Variants in IQCM observed in about 807,000 individuals in gnomAD.
IQCM encodes the protein IQ motif containing M.
IQCM carries 45 observed loss-of-function variants against 57.6 expected under a neutral mutation model. The ratio of observed to expected loss-of-function variants is 0.78; its 90% CI spans 0.62 to 1.00. IQCM has a LOEUF of 1.00. IQCM is among the 50% of genes least tolerant of loss of function. The pLI is 0.00. For synonymous variants in IQCM, 148 were observed against 158.9 expected (o/e 0.93, Z 0.51); for missense variants, 468 against 511.6 (o/e 0.91, Z 0.82).
At chr4:149,812,325 T>C (rs765712971) in intron 2 of IQCM, among the ~76,000 whole-genome samples, 23 of 152,274 alleles carry the variant, frequency 1.5e-4, no homozygotes, top group South Asian at 2.1e-4. Flanking sequence ...TAACTTTTAA[T>C]TGGAGGATGG....
chr4:149,628,969 G>A (rs1757032302), intron 7 of IQCM, among the ~76,000 whole-genome samples: 1 of 152,002 alleles, frequency 6.6e-6, no homozygotes, highest in Non-Finnish European at 1.5e-5. Flanking sequence ...TAAAGGCTAG[G>A]AAAAAACACC....
intron 13 of IQCM, among the ~76,000 whole-genome samples, chr4:149,370,540 C>CTG (rs915047825): frequency 1.3e-5 from 2 of 151,094 alleles, no homozygotes; most frequent in Middle Eastern, 3.2e-3. Context: ...CACATACACA[C>CTG]TATACACACA....
chr4:149,804,934 C>T (rs1285079419), intron 2 of IQCM, among the ~76,000 whole-genome samples: 2 of 151,936 alleles, frequency 1.3e-5, no homozygotes, highest in Non-Finnish European at 2.9e-5. Flanking sequence ...ATGAAGTGCA[C>T]GAAGTAGGAT....
intron 13 of IQCM, among the ~76,000 whole-genome samples, chr4:149,418,818 C>T (rs1733930943): frequency 6.6e-6 from 1 of 152,084 alleles, no homozygotes; most frequent in African/African-American, 2.4e-5. Context: ...GATGAATGTG[C>T]AAAAGTCACA....
chr4:149,737,522 A>G (rs976103461), intron 3 of IQCM: 5 of 152,112 alleles, frequency 3.3e-5, no homozygotes, highest in African/African-American at 4.8e-5. Context: ...TTCATAATAA[A>G]TTATTGAAGG....
chr4:149,613,249 A>AG (rs1245851271), intron 8 of IQCM, among the ~76,000 whole-genome samples: 1 of 152,052 alleles, frequency 6.6e-6, no homozygotes, highest in African/African-American at 2.4e-5. Flanking sequence ...ATGATGAGGG[A>AG]GAAAAAAATG....
Position 149,464,141 on chromosome 4 carries a change from A to T in IQCM, c.1229-30584T>A, listed in dbSNP as rs527705633. Among the ~76,000 whole-genome samples the T allele has an allele frequency of 3.7e-4, 56 of 152,286 alleles. No homozygotes were observed. The South Asian group carries it at 0.012, about 32-fold the overall frequency. The stretch of plus-strand genomic sequence containing the variant: ...TAATTCTGCTACTCGGCTAACTAAA[A>T]TGAACTATTGACTCAGAATGTTCAT... On this transcript the variant is annotated intron_variant, in intron 12 of 13. Coordinates refer to ENST00000636793, the MANE Select transcript of IQCM (RefSeq NM_001363507.2).
intron 13 of IQCM, among the ~76,000 whole-genome samples, chr4:149,358,053 C>T (rs1729138791): frequency 1.3e-5 from 2 of 152,184 alleles, no homozygotes; most frequent in South Asian, 2.1e-4. Context: ...ATAGTATTCT[C>T]TGATGGTAGT....
chr4:149,662,773 C>A (rs1760339754), intron 7 of IQCM, among the ~76,000 whole-genome samples: 1 of 151,950 alleles, frequency 6.6e-6, no homozygotes, highest in Admixed American at 6.6e-5. Context: ...TCTATTCCTT[C>A]ACTTTCAGTC....
intron 12 of IQCM, among the ~76,000 whole-genome samples, chr4:149,532,115 C>T (rs915601818): frequency 6.6e-6 from 1 of 151,948 alleles, no homozygotes; most frequent in South Asian, 2.1e-4. Flanking sequence ...CAAGTGTGTC[C>T]TAAGTTCACA....
In IQCM at chr4:149,394,721, C is replaced by T. The variant is rs985140601; in HGVS notation, c.1390+38675G>A. ...TCCAATGCCACTACTTGAAAACTGG[C>T]GTGAAGGGCAAAGGATCTAGCTTCC... is the stretch of plus-strand genomic sequence containing the variant. On this transcript the variant is annotated intron_variant, in intron 13 of 13. Transcript: ENST00000636793. 1.4e-4 allele frequency among the ~76,000 whole-genome samples: 21 copies of T among 152,032 alleles called. No homozygotes were observed. The East Asian group carries it at 3.5e-3, about 25-fold the overall frequency.
rs141284173 is a variant in IQCM at position 149,499,798 on chromosome 4, T to C, written c.1228+48657A>G. 5.9e-5 allele frequency among the ~76,000 whole-genome samples: 9 copies of C among 152,252 alleles called. 1 individual carries two copies. Among genetic ancestry groups the C allele is most frequent in the South Asian group, 2.1e-4 (1 of 4,824 alleles). ...TCCCTAGTAATGAAGAAAGGAAACA[T>C]AGACTGACTAAAATAGTAGACAGAA... On this transcript the variant is annotated intron_variant, in intron 12 of 13. Coordinates refer to ENST00000636793, the MANE Select transcript of IQCM (RefSeq NM_001363507.2).
At chr4:149,525,507 T>G (rs1219138998) in intron 12 of IQCM, among the ~76,000 whole-genome samples, 1 of 151,838 alleles carries the variant, frequency 6.6e-6, no homozygotes, top group Non-Finnish European at 1.5e-5. Context: ...GAGAATTTAA[T>G]GTACAAAGAA....
At chr4:149,372,068 G>A (rs993630495) in intron 13 of IQCM, among the ~76,000 whole-genome samples, 4 of 152,052 alleles carry the variant, frequency 2.6e-5, no homozygotes, top group East Asian at 1.9e-4. Context: ...CACAACTAAC[G>A]AGGAAACTAA....
chr4:149,807,348 A>G (rs1370864239), intron 2 of IQCM, among the ~76,000 whole-genome samples: 6 of 152,188 alleles, frequency 3.9e-5, no homozygotes, highest in Non-Finnish European at 7.4e-5. Context: ...CTCTTTTTAA[A>G]TAAATTGTGC....
At chr4:149,461,442 A>C (rs1455248137) in intron 12 of IQCM, among the ~76,000 whole-genome samples, 1 of 152,014 alleles carries the variant, frequency 6.6e-6, no homozygotes, top group Non-Finnish European at 1.5e-5. Flanking sequence ...AACCTAGATT[A>C]GAAAATGTAA....
At chr4:149,486,685 G>T (rs1465484378) in intron 12 of IQCM, among the ~76,000 whole-genome samples, 1 of 152,186 alleles carries the variant, frequency 6.6e-6, no homozygotes, top group East Asian at 1.9e-4. Flanking sequence ...GGTGGAGGTT[G>T]CAGTGAGCCA....
At chr4:149,741,386 C>A (rs1767442069) in intron 3 of IQCM, among the ~76,000 whole-genome samples, 1 of 152,134 alleles carries the variant, frequency 6.6e-6, no homozygotes, top group African/African-American at 2.4e-5. Flanking sequence ...AGACAGTGGT[C>A]AGGTTACTAA....
At chr4:149,624,535 C>T (rs11936182) in intron 7 of IQCM, among the ~76,000 whole-genome samples, 3,524 of 151,900 alleles carry the variant, frequency 0.023, 125 homozygotes, top group African/African-American at 0.079. Context: ...AAATGACTCA[C>T]AGAAAACTGA....
Sources: gnomAD v4.1 joint callset for allele counts (sites outside exome capture counted in the v4.1 genomes callset) on GRCh38, gnomAD v4.1.1 for gene constraint, MANE v1.5 for transcripts, NCBI Gene and HGNC (gene_info 2026-07-23, HGNC 2026-07-21) for gene names.